The following PTPRO variants were observed in gnomAD, a reference collection of about 807,000 sequenced individuals.
PTPRO encodes protein tyrosine phosphatase receptor type O.
A neutral mutation model predicts 145.2 loss-of-function variants in PTPRO; 62 were observed. The observed-to-expected ratio is 0.43, with a 90% CI of 0.35 to 0.53. The LOEUF (loss-of-function observed/expected upper bound fraction) is 0.53, where lower values mean the gene tolerates loss of function less well. PTPRO is among the 20% of genes least tolerant of loss of function. The pLI, the probability that PTPRO is intolerant of heterozygous loss-of-function variation, is 0.01. For synonymous variants in PTPRO, 565 were observed against 514.7 expected (o/e 1.10, Z -1.32); for missense variants, 1,345 against 1,482.7 (o/e 0.91, Z 1.53).
At chr12:15,328,981 A>G (rs1866531753) in intron 1 of PTPRO, among the ~76,000 whole-genome samples, 1 of 152,214 alleles carries the variant, frequency 6.6e-6, no homozygotes, top group African/African-American at 2.4e-5. Flanking sequence ...GATTTAAATG[A>G]TGAATGTTTC....
chr12:15,343,146 TA>T (rs1867062584), intron 1 of PTPRO, among the ~76,000 whole-genome samples: 1 of 152,104 alleles, frequency 6.6e-6, no homozygotes, highest in East Asian at 1.9e-4. Context: ...AAAACATAAA[TA>T]TAATCTAATT....
At position 15,497,020 on chromosome 12, in the gene PTPRO, A is replaced by G. The variant is rs542949600; in HGVS notation, c.350-225A>G. On this transcript the variant is annotated intron_variant, in intron 2 of 26. Transcript: ENST00000281171. The stretch of plus-strand genomic sequence containing the variant: ...TCAGGACTGTTGCAAAAGGAAAAAT[A>G]AATGTAAAAGTTCTTCAAAAAGCAG... Among the ~76,000 whole-genome samples, 4 of 152,348 alleles carry G rather than the reference A, an allele frequency of 2.6e-5. No individual in the cohort carries two copies. The East Asian group carries it at 7.7e-4, about 29-fold the overall frequency.
chr12:15,508,508 G>T, intron 6 of PTPRO, 63 bp from the exon 7 acceptor site: 1 of 1,498,486 alleles, frequency 6.7e-7, no homozygotes, highest in Non-Finnish European at 9.2e-7. Flanking sequence ...TTTTAAACCA[G>T]AATCTTTTAT....
At chr12:15,437,806 C>T (rs891560674) in intron 1 of PTPRO, among the ~76,000 whole-genome samples, 2 of 152,174 alleles carry the variant, frequency 1.3e-5, no homozygotes, top group Non-Finnish European at 2.9e-5. Context: ...GCCTGGTAGC[C>T]ACCCACTGGA....
intron 25 of PTPRO, 55 bp downstream of exon 25, chr12:15,589,645 C>T: frequency 6.3e-7 from 1 of 1,592,646 alleles, no homozygotes; most frequent in Admixed American, 1.7e-5. Flanking sequence ...AAAAACTTAC[C>T]ATTATTCAAT....
At chr12:15,532,084 C>T (rs1437185368) in intron 12 of PTPRO, among the ~76,000 whole-genome samples, 3 of 152,188 alleles carry the variant, frequency 2.0e-5, no homozygotes, top group Admixed American at 6.5e-5. Context: ...AATTGCATTT[C>T]TCCAGAACTC....
chr12:15,444,834 A>G (rs796705099), intron 1 of PTPRO, among the ~76,000 whole-genome samples: 2 of 152,228 alleles, frequency 1.3e-5, no homozygotes, highest in African/African-American at 4.8e-5. Flanking sequence ...TAAGCTATCT[A>G]GTCCATGTTT....
At chr12:15,529,411 G>C (rs1403014142) in intron 12 of PTPRO, among the ~76,000 whole-genome samples, 1 of 151,574 alleles carries the variant, frequency 6.6e-6, no homozygotes, top group East Asian at 1.9e-4. Flanking sequence ...CCAGCACTTT[G>C]GGAGGTCAAG....
At chr12:15,463,661 A>G (rs573094398) in intron 1 of PTPRO, among the ~76,000 whole-genome samples, 1 of 152,190 alleles carries the variant, frequency 6.6e-6, no homozygotes, top group South Asian at 2.1e-4. Context: ...AGCTTTCTTC[A>G]TTGTCTCCTA....
At chr12:15,499,731 T>C (rs1209764654) in intron 4 of PTPRO, 137 bp downstream of exon 4, 1 of 1,032,478 alleles carries the variant, frequency 9.7e-7, no homozygotes, top group Non-Finnish European at 1.4e-6. Context: ...CTAAAACAGA[T>C]TTTCTATCAA....
At chr12:15,352,576 G>A (rs1457385533) in intron 1 of PTPRO, among the ~76,000 whole-genome samples, 1 of 151,134 alleles carries the variant, frequency 6.6e-6, no homozygotes, top group Non-Finnish European at 1.5e-5. Flanking sequence ...GTGTGAACTC[G>A]GGAGGCGAGC....
chr12:15,561,427 A>AT (rs1943769809), intron 17 of PTPRO, among the ~76,000 whole-genome samples: 1 of 152,102 alleles, frequency 6.6e-6, no homozygotes. Flanking sequence ...CAAAATAGAG[A>AT]TTGTTAATTC....
chr12:15,396,702 C>T (rs1468487985), intron 1 of PTPRO, among the ~76,000 whole-genome samples: 5 of 152,050 alleles, frequency 3.3e-5, no homozygotes, highest in Admixed American at 2.6e-4. Context: ...CGCTCTTCAA[C>T]ACTGTATGGA....
chr12:15,476,256 G>T (rs921142938), intron 1 of PTPRO, among the ~76,000 whole-genome samples: 1 of 152,094 alleles, frequency 6.6e-6, no homozygotes, highest in Admixed American at 6.6e-5. Flanking sequence ...GAGGCCAACC[G>T]ACATATTACT....
At chr12:15,355,820 A>G (rs1937969391) in intron 1 of PTPRO, among the ~76,000 whole-genome samples, 1 of 152,252 alleles carries the variant, frequency 6.6e-6, no homozygotes, top group Non-Finnish European at 1.5e-5. Flanking sequence ...TAAAAGAAAA[A>G]TAACAAAAAA....
At chr12:15,458,468 T>C (rs1156297045) in intron 1 of PTPRO, among the ~76,000 whole-genome samples, 1 of 152,042 alleles carries the variant, frequency 6.6e-6, no homozygotes, top group Non-Finnish European at 1.5e-5. Flanking sequence ...ATTCCCATAA[T>C]GCATATATAG....
At chr12:15,556,981 A>G (rs908166266) in intron 15 of PTPRO, among the ~76,000 whole-genome samples, 1 of 149,374 alleles carries the variant, frequency 6.7e-6, no homozygotes, top group Admixed American at 6.6e-5. Flanking sequence ...TCTGTTTTGC[A>G]TTGTATGCCA....
chr12:15,532,547 A>G (rs997910337), intron 12 of PTPRO, among the ~76,000 whole-genome samples: 1 of 152,130 alleles, frequency 6.6e-6, no homozygotes, highest in African/African-American at 2.4e-5. Context: ...TAATAAAAAC[A>G]TTCCTCCAAA....
chr12:15,554,107 A>T (rs1943549822), intron 15 of PTPRO, among the ~76,000 whole-genome samples: 1 of 152,120 alleles, frequency 6.6e-6, no homozygotes, highest in African/African-American at 2.4e-5. Context: ...GACAGGAGGC[A>T]GAGGTTGCGA....
Sources: gnomAD v4.1 joint callset for allele counts (sites outside exome capture counted in the v4.1 genomes callset) on GRCh38, gnomAD v4.1.1 for gene constraint, MANE v1.5 for transcripts, NCBI Gene and HGNC (gene_info 2026-07-23, HGNC 2026-07-21) for gene names.